Variants in ZDHHC15 observed in about 807,000 individuals in gnomAD.
The protein encoded by ZDHHC15 is zDHHC palmitoyltransferase 15.
Under a neutral mutation model 31.7 loss-of-function variants are expected in ZDHHC15, and 19 were observed. That is an observed-to-expected ratio of 0.60 (90% CI 0.42 to 0.88). The LOEUF (loss-of-function observed/expected upper bound fraction) is 0.88. Among genes scored for constraint, ZDHHC15 ranks in the 40% least tolerant of loss-of-function variants. The pLI, the probability that ZDHHC15 is intolerant of heterozygous loss-of-function variation, is 0.00. For missense variants in ZDHHC15, 209 were observed against 251.2 expected, an observed-to-expected ratio of 0.83 and a Z score of 1.14; for synonymous variants, 103 against 90.0, an observed-to-expected ratio of 1.14 and a Z score of -0.82.
At chrX:75,472,056 C>T (rs1038012413) in intron 3 of ZDHHC15, among the ~76,000 whole-genome samples, 1 of 111,770 alleles carries the variant, frequency 8.9e-6, no homozygotes, top group African/African-American at 3.3e-5. Context: ...TTGTGCACAT[C>T]AGTATTCGAT....
chrX:75,495,150 C>T (rs11093536), intron 2 of ZDHHC15, among the ~76,000 whole-genome samples: 8 of 111,085 alleles, frequency 7.2e-5, no homozygotes, highest in Non-Finnish European at 1.1e-4. Context: ...CAAAAGGAGA[C>T]ATTTATGCAG....
chrX:75,410,337 A>G (rs1311979892), intron 10 of ZDHHC15, among the ~76,000 whole-genome samples: 1 of 111,251 alleles, frequency 9.0e-6, no homozygotes, highest in East Asian at 2.8e-4. Flanking sequence ...TAACCAGAAT[A>G]TATAAGGAGC....
chrX:75,435,579 T>A (rs936154219), intron 4 of ZDHHC15, among the ~76,000 whole-genome samples: 4 of 112,279 alleles, frequency 3.6e-5, no homozygotes, highest in Non-Finnish European at 5.6e-5. Flanking sequence ...AAATGTTTTT[T>A]CTGCGTCTAT....
chrX:75,414,881 T>C (rs1012913384), intron 10 of ZDHHC15, among the ~76,000 whole-genome samples: 2 of 108,870 alleles, frequency 1.8e-5, no homozygotes, highest in African/African-American at 6.7e-5. Context: ...TTCTCCTGTG[T>C]CAGCCTCCCG....
In ZDHHC15 at chrX:75,419,286, G is replaced by A. The variant is rs777273003; in HGVS notation, c.864-2096C>T. ...CAAACAACCCCATCAAAAAGTGGGCGAAGGATATGAACAGACACTTCTCAA... is the reference window on the plus strand; with the variant it reads ...CAAACAACCCCATCAAAAAGTGGGCAAAGGATATGAACAGACACTTCTCAA... On this transcript the variant is annotated intron_variant, in intron 9 of 11. Coordinates refer to ENST00000373367, the MANE Select transcript of ZDHHC15 (RefSeq NM_144969.3). Among the ~76,000 whole-genome samples, 68 of 111,507 alleles carry A rather than the reference G, an allele frequency of 6.1e-4. 1 individual carries two copies. In the East Asian group the frequency reaches 0.014, roughly 22 times the overall value.
intron 2 of ZDHHC15, among the ~76,000 whole-genome samples, chrX:75,491,584 C>G (rs1008620531): frequency 1.8e-5 from 2 of 109,014 alleles, no homozygotes; most frequent in African/African-American, 6.7e-5. Context: ...ATGTAACTAA[C>G]CTGCACATTG....
At chrX:75,449,966 A>G (rs2084093303) in intron 4 of ZDHHC15, among the ~76,000 whole-genome samples, 1 of 112,060 alleles carries the variant, frequency 8.9e-6, no homozygotes, top group South Asian at 3.7e-4. Flanking sequence ...GAAAAAGAAG[A>G]TATGTCTTTG....
chrX:75,417,741 C>T lies in ZDHHC15; in HGVS notation c.864-551G>A, dbSNP rs769381618. On this transcript the variant is annotated intron_variant, in intron 9 of 11. Transcript: ENST00000373367. Reference sequence around the variant, plus strand: ...GGGCAATTATCCACATGTGGGGTCTCGCTTTGTGGCTACCTGTGGTAAGCT... The same window carrying T: ...GGGCAATTATCCACATGTGGGGTCTTGCTTTGTGGCTACCTGTGGTAAGCT... Among the ~76,000 whole-genome samples the T allele has an allele frequency of 3.6e-5, 4 of 111,722 alleles. No homozygotes were observed. In the South Asian group the frequency reaches 1.5e-3, roughly 42 times the overall value.
At chrX:75,466,668 A>G (rs1186808871) in intron 3 of ZDHHC15, among the ~76,000 whole-genome samples, 1 of 111,424 alleles carries the variant, frequency 9.0e-6, no homozygotes, top group African/African-American at 3.3e-5. Context: ...GATAGACTGG[A>G]TAGAGAAAAT....
At chrX:75,418,620 A>G (rs1232520743) in intron 9 of ZDHHC15, among the ~76,000 whole-genome samples, 1 of 112,074 alleles carries the variant, frequency 8.9e-6, no homozygotes, top group African/African-American at 3.2e-5. Flanking sequence ...AGACAGATAT[A>G]TAGGCCAATG....
At chrX:75,483,363 G>A (rs984634451) in intron 2 of ZDHHC15, among the ~76,000 whole-genome samples, 3 of 109,931 alleles carry the variant, frequency 2.7e-5, no homozygotes, top group Non-Finnish European at 3.8e-5. Context: ...TTGGGAGGCT[G>A]ACATGGGAGG....
Position 75,487,132 on chromosome X carries a change from C to T in ZDHHC15, c.164-8147G>A, listed in dbSNP as rs140718992. On this transcript the variant is annotated intron_variant, in intron 2 of 11. Coordinates refer to ENST00000373367, the MANE Select transcript of ZDHHC15 (RefSeq NM_144969.3). ...CCCTGATCCAAAGAGGAGAAAACAA[C>T]AGCTAATTCCATGTCCTACAACACC... is the stretch of plus-strand genomic sequence containing the variant. 4.3e-3 allele frequency among the ~76,000 whole-genome samples: 480 copies of T among 112,066 alleles called. 2 individuals carry two copies. The highest frequency in any genetic ancestry group is 0.015 in the African/African-American group (461 of 30,843).
intron 2 of ZDHHC15, among the ~76,000 whole-genome samples, chrX:75,491,855 C>T (rs887295584): frequency 1.8e-5 from 2 of 111,286 alleles, no homozygotes; most frequent in African/African-American, 6.5e-5. Context: ...TTGTAAAGTC[C>T]ATCGAGGCAA....
In ZDHHC15 at chrX:75,464,533, C is replaced by T. The variant is rs570862465; in HGVS notation, c.259-13611G>A. On this transcript the variant is annotated intron_variant, in intron 3 of 11. Coordinates refer to ENST00000373367, the MANE Select transcript of ZDHHC15 (RefSeq NM_144969.3). ...AAAAAAGAAAACATCAGGTCAATAT[C>T]CTTGATAAACATTGATGTAAAAATC... Among the ~76,000 whole-genome samples, 18 of 111,551 alleles carry T rather than the reference C, an allele frequency of 1.6e-4. No individual in the cohort carries two copies. The South Asian group carries it at 6.3e-3, about 39-fold the overall frequency.
chrX:75,478,797 G>T (rs184494452), intron 3 of ZDHHC15, 94 bp downstream of exon 3: 2 of 636,860 alleles, frequency 3.1e-6, no homozygotes, highest in African/African-American at 2.3e-5. Context: ...TGACTCTTTC[G>T]TATTATTTAC....
intron 1 of ZDHHC15, among the ~76,000 whole-genome samples, chrX:75,518,460 T>A (rs2085393731): frequency 9.1e-6 from 1 of 109,422 alleles, no homozygotes; most frequent in South Asian, 3.9e-4. Flanking sequence ...ATGGCTATAA[T>A]AAAAATAAAA....
At chrX:75,450,753 C>T in intron 4 of ZDHHC15, 49 bp downstream of exon 4, 4 of 1,209,905 alleles carry the variant, frequency 3.3e-6, no homozygotes, top group Non-Finnish European at 3.4e-6. Flanking sequence ...CTTAGCCTTT[C>T]TGAGATACTT....
intron 3 of ZDHHC15, among the ~76,000 whole-genome samples, chrX:75,474,585 C>T (rs1478112178): frequency 1.7e-3 from 15 of 8,781 alleles, no homozygotes; most frequent in Non-Finnish European, 4.1e-3. Context: ...CACACACACA[C>T]ACACACACAC....
At chrX:75,442,903 G>A (rs1243114802) in intron 4 of ZDHHC15, among the ~76,000 whole-genome samples, 30 of 104,530 alleles carry the variant, frequency 2.9e-4, no homozygotes, top group African/African-American at 7.4e-4. Context: ...GGAGAATGGC[G>A]TGAACCCAGG....
Sources: gnomAD v4.1 joint callset for allele counts (sites outside exome capture counted in the v4.1 genomes callset) on GRCh38, gnomAD v4.1.1 for gene constraint, MANE v1.5 for transcripts, NCBI Gene and HGNC (gene_info 2026-07-23, HGNC 2026-07-21) for gene names.